The following ZDHHC13 variants were observed in gnomAD, a reference collection of about 807,000 sequenced individuals.
The protein encoded by ZDHHC13 is palmitoyltransferase ZDHHC13.
A neutral mutation model predicts 86.0 loss-of-function variants in ZDHHC13; 85 were observed. That is an observed-to-expected ratio of 0.99 (90% confidence interval 0.83 to 1.18). The LOEUF is 1.18. Among genes scored for constraint, ZDHHC13 ranks in the 50% most tolerant of loss-of-function variants. The pLI is 0.00. For synonymous variants in ZDHHC13, 263 were observed against 246.4 expected, an observed-to-expected ratio of 1.07 and a Z score of -0.63; for missense variants, 711 against 730.2, an observed-to-expected ratio of 0.97 and a Z score of 0.30.
rs2133497321 is a variant in ZDHHC13 at position 19,175,955 on chromosome 11, G to T, written c.1864G>T (p.Val622Leu). 1.3e-6 allele frequency: 2 copies of T among 1,599,556 alleles called. No individual in the cohort carries two copies. The highest frequency in any genetic ancestry group is 2.2e-5 in the East Asian group (1 of 44,610). Reference protein sequence around the residue: ...HPAREKVLRSV With the variant: ...HPAREKVLRSL Reference sequence around the variant, plus strand: ...AGCCAGGGAGAAGGTTCTTCGCTCAGTATGAAGAAAAGCAACCCAAAACTC... The same window carrying T: ...AGCCAGGGAGAAGGTTCTTCGCTCATTATGAAGAAAAGCAACCCAAAACTC... Residue 622 changes from valine (V) to leucine (L), a missense_variant, in exon 17 of 17, where the codon GTA becomes TTA. By Grantham distance (32) the Val-to-Leu change is conservative. Coordinates refer to ENST00000446113, the MANE Select transcript of ZDHHC13 (RefSeq NM_019028.3).
chr11:19,151,974 T>C (rs1012675370), intron 6 of ZDHHC13, among the ~76,000 whole-genome samples, 184 bp from the exon 7 acceptor site: 1 of 152,128 alleles, frequency 6.6e-6, no homozygotes, highest in African/African-American at 2.4e-5. Flanking sequence ...ATTTAATAGA[T>C]GTCTTTTTTT....
rs773487920 is a variant in ZDHHC13, at chr11:19,175,903, A to G, written c.1812A>G (p.Thr604=). The G allele has an allele frequency of 3.8e-5, 61 of 1,613,606 alleles. 1 individual carries two copies. In the South Asian group the frequency reaches 6.3e-4, roughly 17 times the overall value. The change falls in exon 17 of 17, where the codon ACA becomes ACG. Residue 604 remains threonine (T), a synonymous_variant. Coordinates refer to ENST00000446113, the MANE Select transcript of ZDHHC13 (RefSeq NM_019028.3). The part of the protein sequence containing the change: ...GLVKPCVVDW[T]SQYTMVFHPA... ...TGAAGCCCTGTGTGGTAGATTGGAC[A>G]TCACAGTACACCATGGTCTTTCACC...
At chr11:19,152,087 C>T (rs1203992581) in intron 6 of ZDHHC13, 71 bp from the exon 7 acceptor site, 2 of 1,490,344 alleles carry the variant, frequency 1.3e-6, no homozygotes, top group Admixed American at 3.9e-5. Flanking sequence ...TTAAAAGATT[C>T]ATAATTTGCA....
chr11:19,152,013 A>C (rs886940779), intron 6 of ZDHHC13, 145 bp from the exon 7 acceptor site: 2 of 753,464 alleles, frequency 2.7e-6, no homozygotes, highest in African/African-American at 3.5e-5. Flanking sequence ...CTAGAATAGA[A>C]CTCAGTACAA....
chr11:19,125,987 T>G (rs1848865783), intron 1 of ZDHHC13, among the ~76,000 whole-genome samples: 1 of 152,204 alleles, frequency 6.6e-6, no homozygotes, highest in Non-Finnish European at 1.5e-5. Context: ...CATACATACA[T>G]GTGTTAAAAT....
At chr11:19,175,747 A>G in intron 16 of ZDHHC13, 75 bp from the exon 17 acceptor site, 1 of 1,543,218 alleles carries the variant, frequency 6.5e-7, no homozygotes, top group Admixed American at 1.8e-5. Context: ...TGCATATTAT[A>G]GATTCTCCAT....
At chr11:19,137,691 C>T (rs553559222) in intron 1 of ZDHHC13, among the ~76,000 whole-genome samples, 1 of 152,102 alleles carries the variant, frequency 6.6e-6, no homozygotes, top group South Asian at 2.1e-4. Flanking sequence ...AGCAAAAGAA[C>T]AGAAATTATA....
At chr11:19,146,862 A>G (rs1448724781) in intron 3 of ZDHHC13, among the ~76,000 whole-genome samples, 3 of 152,190 alleles carry the variant, frequency 2.0e-5, no homozygotes, top group Non-Finnish European at 2.9e-5. Context: ...AGGATTAGAT[A>G]TTTAAAATCC....
In ZDHHC13 at chr11:19,163,381, CAACT is replaced by C; in HGVS notation, c.1188_1191del (p.Thr397IlefsTer14). The C allele has an allele frequency of 6.2e-7, 1 of 1,607,396 alleles. No individual in the cohort carries two copies. The highest frequency in any genetic ancestry group is 8.5e-7 in the Non-Finnish European group (1 of 1,177,034). ...CTATACTTTTTCTATAAGACTTGGGCAACTGATCCAGGCTTCACTAAGGCTTCTG... is the reference window on the plus strand; with the variant it reads ...CTATACTTTTTCTATAAGACTTGGGCGATCCAGGCTTCACTAAGGCTTCTG... On this transcript the variant is annotated frameshift_variant, in exon 11 of 17. Transcript: ENST00000446113. LOFTEE classifies it high-confidence loss of function.
intron 14 of ZDHHC13, chr11:19,168,686 A>C: frequency 5.1e-6 from 2 of 393,522 alleles, no homozygotes; most frequent in Non-Finnish European, 6.9e-6. Context: ...CCATTTCTCT[A>C]ATGAGGCCTC....
At chr11:19,137,438 A>G (rs931754631) in intron 1 of ZDHHC13, among the ~76,000 whole-genome samples, 19 of 152,062 alleles carry the variant, frequency 1.2e-4, no homozygotes, top group African/African-American at 4.4e-4. Context: ...CGACCTACAA[A>G]GAGACTTAGA....
intron 1 of ZDHHC13, among the ~76,000 whole-genome samples, chr11:19,133,838 G>A (rs1212228672): frequency 1.3e-5 from 2 of 149,226 alleles, no homozygotes; most frequent in African/African-American, 4.9e-5. Context: ...TAAGGTGCTG[G>A]CTCAGTTCTA....
At chr11:19,156,056 C>A (rs1849749447) in intron 9 of ZDHHC13, 127 bp downstream of exon 9, 3 of 1,178,102 alleles carry the variant, frequency 2.5e-6, no homozygotes, top group Non-Finnish European at 3.4e-6. Flanking sequence ...ATAACAGCAT[C>A]CTGCGGGTGG....
intron 1 of ZDHHC13, among the ~76,000 whole-genome samples, chr11:19,128,552 T>TA (rs1748188103): frequency 6.6e-6 from 1 of 152,154 alleles, no homozygotes; most frequent in African/African-American, 2.4e-5. Flanking sequence ...TAAAAATTTC[T>TA]AAAAAATATT....
At position 19,165,102 on chromosome 11, in the gene ZDHHC13, G is replaced by A. The variant is rs1041446430; in HGVS notation, c.1347G>A (p.Val449=). 11 of 1,612,906 alleles carry A rather than the reference G, an allele frequency of 6.8e-6. No individual in the cohort carries two copies. The Admixed American group carries it at 1.2e-4, about 17-fold the overall frequency. ...SLHCHVCNCC[V]ARYDQHCLWT... ...ACTGCCATGTATGCAACTGCTGTGT[G>A]GCTCGATATGATCAACACTGCCTGT... is the stretch of plus-strand genomic sequence containing the variant. The change falls in exon 13 of 17, where the codon GTG becomes GTA. Residue 449 remains valine (V), a synonymous_variant. Coordinates refer to ENST00000446113, the MANE Select transcript of ZDHHC13 (RefSeq NM_019028.3).
At chr11:19,155,245 G>T (rs79732772) in intron 8 of ZDHHC13, among the ~76,000 whole-genome samples, 3,368 of 152,170 alleles carry the variant, frequency 0.022, 97 homozygotes, top group East Asian at 0.13. Context: ...TTTTCTAAAA[G>T]ACCACCATTT....
intron 1 of ZDHHC13, among the ~76,000 whole-genome samples, chr11:19,125,912 C>T (rs1196740244): frequency 1.3e-5 from 2 of 151,966 alleles, no homozygotes; most frequent in East Asian, 1.9e-4. Context: ...CAGTGGTTGC[C>T]AAGAGTTGGT....
rs967502763 is a variant in ZDHHC13, at chr11:19,139,110, A to G, written c.28-3868A>G. ...AATAAAGGGTATTCAATTAGGAAAA[A>G]AGGAAGTCAAATTGTCCCTGTTTGC... On this transcript the variant is annotated intron_variant, in intron 1 of 16. Transcript: ENST00000446113. Among the ~76,000 whole-genome samples, 225 of 152,148 alleles carry G rather than the reference A, an allele frequency of 1.5e-3. 1 individual carries two copies. Among genetic ancestry groups the G allele is most frequent in the African/African-American group, 4.6e-3 (190 of 41,514 alleles).
chr11:19,159,399 A>G (rs938624476), intron 10 of ZDHHC13, among the ~76,000 whole-genome samples: 1 of 152,172 alleles, frequency 6.6e-6, no homozygotes, highest in Non-Finnish European at 1.5e-5. Context: ...TTTTCTGAGT[A>G]CTAAGACGGA....
Sources: gnomAD v4.1 joint callset for allele counts (sites outside exome capture counted in the v4.1 genomes callset) on GRCh38, gnomAD v4.1.1 for gene constraint, MANE v1.5 for transcripts, NCBI Gene and HGNC (gene_info 2026-07-23, HGNC 2026-07-21) for gene names.